The following CLTA variants were observed in gnomAD, a reference collection of about 807,000 sequenced individuals.
CLTA encodes the protein clathrin light chain A, also known as clathrin, light polypeptide (Lca).
Under a neutral mutation model 26.9 loss-of-function variants are expected in CLTA, and 9 were observed. That is an observed-to-expected ratio of 0.33 (90% CI 0.20 to 0.58). CLTA has a LOEUF of 0.58. Ranked by LOEUF, CLTA falls within the 20% of genes least tolerant of loss-of-function variation. The probability of loss-of-function intolerance (pLI) is 0.85; values close to 1 mark genes in which losing one functional copy is unlikely to be tolerated. For missense variants in CLTA, 278 were observed against 294.2 expected, an observed-to-expected ratio of 0.94 and a Z score of 0.40; for synonymous variants, 120 against 115.5, an observed-to-expected ratio of 1.04 and a Z score of -0.25.
In CLTA at chr9:36,199,019, A is replaced by T; in HGVS notation, c.296A>T (p.Gln99Leu). 6.2e-7 allele frequency: 1 copy of T among 1,614,076 alleles called. No individual in the cohort carries two copies. The highest frequency in any genetic ancestry group is 1.1e-5 in the South Asian group (1 of 91,086). The change falls in exon 3 of 5, where the codon CAA (glutamine) becomes CTA (leucine). Residue 99 changes from glutamine (Q) to leucine (L), a missense_variant. Coordinates refer to ENST00000345519, the MANE Select transcript of CLTA (RefSeq NM_001833.4). ...ACAGACAGTTATGCAGCTATTTCAC[A>T]AGTGGATCGATTGCAGTCAGAGCCT... ...GPTDSYAAIS[Q>L]VDRLQSEPES...
intron 1 of CLTA, among the ~76,000 whole-genome samples, chr9:36,196,218 G>A (rs568768424): frequency 6.6e-5 from 10 of 151,906 alleles, no homozygotes; most frequent in Admixed American, 4.6e-4. Context: ...AGGAGGTGGA[G>A]GTTGCAGTGA....
chr9:36,193,736 G>A (rs893553816), intron 1 of CLTA, among the ~76,000 whole-genome samples: 3 of 152,206 alleles, frequency 2.0e-5, no homozygotes, highest in East Asian at 1.9e-4. Context: ...TGCGGAAAGC[G>A]TCTATGGAGG....
chr9:36,201,509 A>G (rs1296205351), intron 3 of CLTA, among the ~76,000 whole-genome samples: 1 of 152,180 alleles, frequency 6.6e-6, no homozygotes, highest in Non-Finnish European at 1.5e-5. Flanking sequence ...TAAATGTACT[A>G]TTTTATGCAG....
rs1828064277 is a variant in CLTA at position 36,211,840 on chromosome 9, T to C, written c.*66T>C. The C allele has an allele frequency of 7.5e-7, 1 of 1,324,726 alleles. No individual in the cohort carries two copies. The highest frequency in any genetic ancestry group is 2.1e-5 in the Admixed American group (1 of 47,228). 82.1% of individuals were successfully genotyped at this position (1,324,726 alleles called of 1,614,324 possible). On this transcript the variant is annotated 3_prime_UTR_variant, in exon 5 of 5. Coordinates refer to ENST00000345519, the MANE Select transcript of CLTA (RefSeq NM_001833.4). Reference sequence around the variant, plus strand: ...TCCTACTCAGTGAAGCTCTTCACAGTCATTGGATTAATTATGTTGAGTTCT... The same window carrying C: ...TCCTACTCAGTGAAGCTCTTCACAGCCATTGGATTAATTATGTTGAGTTCT...
At chr9:36,205,980 T>C (rs530794192) in intron 4 of CLTA, among the ~76,000 whole-genome samples, 1 of 152,254 alleles carries the variant, frequency 6.6e-6, no homozygotes, top group Admixed American at 6.5e-5. Flanking sequence ...CAGGATGGTC[T>C]CGATCTCCTG....
chr9:36,202,109 T>C (rs1051654220), intron 3 of CLTA, among the ~76,000 whole-genome samples: 16 of 152,192 alleles, frequency 1.1e-4, no homozygotes, highest in Non-Finnish European at 1.6e-4. Context: ...AGACCCTATC[T>C]CAAATAAAAC....
intron 4 of CLTA, chr9:36,210,518 G>A: frequency 6.4e-7 from 1 of 1,570,570 alleles, no homozygotes; most frequent in African/African-American, 1.3e-5. Context: ...CACAGATAGA[G>A]TGGCAAGGGC....
intron 4 of CLTA, among the ~76,000 whole-genome samples, chr9:36,204,670 G>A (rs760162671): frequency 3.8e-4 from 58 of 152,216 alleles, no homozygotes; most frequent in Non-Finnish European, 4.6e-4. Flanking sequence ...TGAGGGTTCT[G>A]TGGGTACTTA....
intron 3 of CLTA, among the ~76,000 whole-genome samples, chr9:36,199,746 G>A (rs923712958): frequency 2.8e-4 from 42 of 152,150 alleles, no homozygotes; most frequent in African/African-American, 9.9e-4. Context: ...GAGCCACCGC[G>A]CCCGGCCTCC....
chr9:36,198,013 T>TG (rs1249516737), intron 2 of CLTA, among the ~76,000 whole-genome samples: 2 of 149,260 alleles, frequency 1.3e-5, no homozygotes, highest in Non-Finnish European at 3.0e-5. Context: ...TTTTTTTTTT[T>TG]TTTTTGAGAC....
intron 1 of CLTA, among the ~76,000 whole-genome samples, chr9:36,194,085 G>C (rs919455242): frequency 6.6e-6 from 1 of 152,176 alleles, no homozygotes; most frequent in African/African-American, 2.4e-5. Flanking sequence ...GAGTGCAGTG[G>C]TGCGATCTCG....
intron 1 of CLTA, 47 bp downstream of exon 1, chr9:36,191,320 C>A: frequency 6.8e-7 from 1 of 1,470,252 alleles, no homozygotes; most frequent in Non-Finnish European, 8.9e-7. Flanking sequence ...TCTGGAAACT[C>A]GGTCCACAGT....
chr9:36,209,349 A>G (rs1827909123), intron 4 of CLTA: 3 of 1,486,398 alleles, frequency 2.0e-6, no homozygotes, highest in Non-Finnish European at 2.8e-6. Flanking sequence ...TCCTTTTTCT[A>G]CATCTGATTC....
intron 4 of CLTA, among the ~76,000 whole-genome samples, chr9:36,207,319 G>A (rs1431810270): frequency 6.6e-6 from 1 of 152,226 alleles, no homozygotes; most frequent in Admixed American, 6.5e-5. Context: ...ACTGACTCCT[G>A]CAGCTGGATG....
intron 2 of CLTA, among the ~76,000 whole-genome samples, chr9:36,198,273 C>T (rs1222427120): frequency 6.6e-6 from 1 of 151,934 alleles, no homozygotes; most frequent in African/African-American, 2.4e-5. Flanking sequence ...GCTGGGATTA[C>T]AGGCGTGAGC....
In CLTA at chr9:36,191,228, G is replaced by A. The variant is rs1587190635; in HGVS notation, c.172G>A (p.Gly58Ser). 1 of 1,543,012 alleles carries A rather than the reference G, an allele frequency of 6.5e-7. No homozygotes were observed. Among genetic ancestry groups the A allele is most frequent in the Non-Finnish European group, 8.7e-7 (1 of 1,148,350 alleles). The change falls in exon 1 of 5, where the codon GGC becomes AGC. Residue 58 changes from glycine to serine, a missense_variant. Transcript: ENST00000345519. ...CGAGGCCTTCGCCATCCTGGACGGC[G>A]GCGCCCCCGGGCCCCAGCCGCACGG... ...NDEAFAILDG[G>S]APGPQPHGEP... is the part of the protein sequence containing the mutation.
In CLTA at chr9:36,191,107, C is replaced by G. The variant is rs749236110; in HGVS notation, c.51C>G (p.Pro17=). ...CCCCTGCCGGCGCCCCTGGCGGTCCCGCGCTGGGGAACGGAGTGGCCGGCG... is the reference window on the plus strand; with the variant it reads ...CCCCTGCCGGCGCCCCTGGCGGTCCGGCGCTGGGGAACGGAGTGGCCGGCG... The part of the protein sequence containing the change: ...FGAPAGAPGG[P]ALGNGVAGAG... The change falls in exon 1 of 5, where the codon CCC becomes CCG. Residue 17 remains proline (P), a synonymous_variant. Coordinates refer to ENST00000345519, the MANE Select transcript of CLTA (RefSeq NM_001833.4). 3 of 1,597,842 alleles carry G rather than the reference C, an allele frequency of 1.9e-6. No individual in the cohort carries two copies. The highest frequency in any genetic ancestry group is 2.6e-6 in the Non-Finnish European group (3 of 1,175,770).
intron 1 of CLTA, among the ~76,000 whole-genome samples, chr9:36,191,964 C>A (rs551098628): frequency 3.3e-5 from 5 of 152,244 alleles, no homozygotes; most frequent in African/African-American, 1.2e-4. Flanking sequence ...TTAGCCTAAA[C>A]CAATCAGGGA....
intron 4 of CLTA, chr9:36,210,680 C>T (rs753415697): frequency 1.2e-6 from 2 of 1,614,024 alleles, no homozygotes; most frequent in Non-Finnish European, 8.5e-7. Flanking sequence ...ACCTTTCTCA[C>T]TGCCCCTAAC....
Sources: allele counts gnomAD v4.1 joint callset (sites outside exome capture counted in the v4.1 genomes callset), GRCh38; gene constraint gnomAD v4.1.1; transcripts MANE v1.5; gene names NCBI Gene and HGNC (gene_info 2026-07-23, HGNC 2026-07-21).